The following GULP1 variants were observed in gnomAD, a reference collection of about 807,000 sequenced individuals.
GULP1 encodes the protein PTB domain-containing engulfment adapter protein 1.
A neutral mutation model predicts 40.9 loss-of-function variants in GULP1; 19 were observed. The observed-to-expected ratio is 0.46, with a 90% CI of 0.32 to 0.68. The LOEUF (loss-of-function observed/expected upper bound fraction) is 0.68, where lower values mean the gene tolerates loss of function less well. Ranked by LOEUF, GULP1 falls within the 30% of genes least tolerant of loss-of-function variation. The pLI is 0.03. For missense variants in GULP1, 312 were observed against 362.2 expected, an observed-to-expected ratio of 0.86 and a Z score of 1.12; for synonymous variants, 119 against 117.6, an observed-to-expected ratio of 1.01 and a Z score of -0.08.
At chr2:188,541,875 C>T (rs370866860) in intron 7 of GULP1, 3 of 156,824 alleles carry the variant, frequency 1.9e-5, no homozygotes, top group South Asian at 1.9e-4. Flanking sequence ...TTCGGGAGGC[C>T]GAGGCGGGCA....
intron 3 of GULP1, among the ~76,000 whole-genome samples, chr2:188,481,463 G>T (rs2061441446): frequency 6.6e-6 from 1 of 151,906 alleles, no homozygotes. Context: ...AATTATCAGT[G>T]CTTGATAATA....
At chr2:188,574,650 A>AAAAC (rs985847379) in intron 9 of GULP1, among the ~76,000 whole-genome samples, 31 of 152,216 alleles carry the variant, frequency 2.0e-4, no homozygotes, top group African/African-American at 7.2e-4. Context: ...CCCTGTCTCA[A>AAAAC]AAACAAACAA....
intron 6 of GULP1, among the ~76,000 whole-genome samples, chr2:188,536,621 C>A (rs1689009550): frequency 6.6e-6 from 1 of 152,018 alleles, no homozygotes; most frequent in African/African-American, 2.4e-5. Context: ...TAATGTGATG[C>A]CTCCAGATTT....
rs570537480 is a variant in GULP1, at chr2:188,479,253, G to T, written c.28+1523G>T. ...GAATTTAGATAATGTGACCTTTAAG[G>T]CACTCTTCAACTCTGGGAAGCTAGA... On this transcript the variant is annotated intron_variant, in intron 3 of 11. Coordinates refer to ENST00000409830, the MANE Select transcript of GULP1 (RefSeq NM_016315.4). 5.3e-5 allele frequency among the ~76,000 whole-genome samples: 8 copies of T among 152,068 alleles called. No homozygotes were observed. The Middle Eastern group carries it at 0.014, about 259-fold the overall frequency.
At chr2:188,451,898 G>A (rs1575347343) in intron 2 of GULP1, among the ~76,000 whole-genome samples, 1 of 152,150 alleles carries the variant, frequency 6.6e-6, no homozygotes, top group East Asian at 1.9e-4. Flanking sequence ...TTATTTTAAA[G>A]GCAAATATGG....
chr2:188,426,473 C>T (rs2056215425), intron 2 of GULP1, among the ~76,000 whole-genome samples: 1 of 152,148 alleles, frequency 6.6e-6, no homozygotes, highest in Admixed American at 6.5e-5. Context: ...AGATTCTGTA[C>T]AGAATACAGA....
intron 7 of GULP1, among the ~76,000 whole-genome samples, chr2:188,555,907 A>C (rs1694618277): frequency 6.6e-6 from 1 of 151,918 alleles, no homozygotes; most frequent in Non-Finnish European, 1.5e-5. Flanking sequence ...GAAAATCAAA[A>C]ATTAGCCAGG....
intron 2 of GULP1, among the ~76,000 whole-genome samples, chr2:188,405,958 G>A (rs1191627924): frequency 2.6e-5 from 4 of 152,138 alleles, no homozygotes; most frequent in Admixed American, 2.0e-4. Context: ...TGACACTAAA[G>A]AAATGCAGAT....
At chr2:188,454,170 G>A (rs906786104) in intron 2 of GULP1, among the ~76,000 whole-genome samples, 3 of 152,174 alleles carry the variant, frequency 2.0e-5, no homozygotes, top group African/African-American at 7.2e-5. Context: ...GAAGACTAAG[G>A]ATATGCTGAC....
intron 1 of GULP1, among the ~76,000 whole-genome samples, chr2:188,307,980 A>G (rs762917631): frequency 1.1e-4 from 16 of 152,236 alleles, no homozygotes; most frequent in African/African-American, 3.6e-4. Context: ...CTACGCCAGC[A>G]ATTTTTCACC....
chr2:188,328,758 A>C (rs1271565800), intron 1 of GULP1, among the ~76,000 whole-genome samples: 3 of 152,182 alleles, frequency 2.0e-5, no homozygotes, highest in African/African-American at 7.2e-5. Context: ...TGTTTCTTAA[A>C]GAGCTTTTCT....
At chr2:188,566,233 A>T (rs1194064141) in intron 7 of GULP1, among the ~76,000 whole-genome samples, 1 of 152,142 alleles carries the variant, frequency 6.6e-6, no homozygotes, top group Non-Finnish European at 1.5e-5. Context: ...CACTAGCTTT[A>T]GGCAAGTTAT....
chr2:188,350,713 T>C (rs1053658459), intron 1 of GULP1, among the ~76,000 whole-genome samples: 7 of 152,224 alleles, frequency 4.6e-5, no homozygotes, highest in African/African-American at 1.7e-4. Flanking sequence ...ACAAGTTTAA[T>C]TGTAACAAAT....
At chr2:188,583,992 T>C (rs1701845437) in intron 9 of GULP1, among the ~76,000 whole-genome samples, 1 of 152,234 alleles carries the variant, frequency 6.6e-6, no homozygotes, top group South Asian at 2.1e-4. Context: ...ATCTTTTATA[T>C]TCATCTGGAA....
chr2:188,529,717 T>C (rs1687078544), intron 6 of GULP1, among the ~76,000 whole-genome samples: 1 of 152,158 alleles, frequency 6.6e-6, no homozygotes, highest in Admixed American at 6.6e-5. Context: ...TCTGTAGCCT[T>C]TCTCCTTGGC....
intron 1 of GULP1, among the ~76,000 whole-genome samples, chr2:188,332,959 A>C (rs2041809034): frequency 6.6e-6 from 1 of 152,096 alleles, no homozygotes; most frequent in East Asian, 1.9e-4. Flanking sequence ...TATGGCAGGT[A>C]TACACTGAGT....
intron 1 of GULP1, among the ~76,000 whole-genome samples, chr2:188,306,754 C>T (rs936964349): frequency 5.9e-5 from 9 of 152,122 alleles, no homozygotes; most frequent in African/African-American, 2.2e-4. Context: ...AACCATTTAA[C>T]AAAGGTTATA....
chr2:188,412,809 T>A (rs1044588289), intron 2 of GULP1, among the ~76,000 whole-genome samples: 1 of 152,190 alleles, frequency 6.6e-6, no homozygotes, highest in African/African-American at 2.4e-5. Context: ...AGGAATAAAG[T>A]CAATCACATA....
chr2:188,485,651 A>G (rs1196079833), intron 4 of GULP1, among the ~76,000 whole-genome samples: 1 of 152,018 alleles, frequency 6.6e-6, no homozygotes, highest in Admixed American at 6.6e-5. Context: ...CTTGGTTTAT[A>G]TCATGACTCC....
Sources: gnomAD v4.1 joint callset for allele counts (sites outside exome capture counted in the v4.1 genomes callset) on GRCh38, gnomAD v4.1.1 for gene constraint, MANE v1.5 for transcripts, NCBI Gene and HGNC (gene_info 2026-07-23, HGNC 2026-07-21) for gene names.